The following FOLH1 variants were observed in gnomAD, a reference collection of about 807,000 sequenced individuals.
FOLH1 encodes the protein folate hydrolase 1, also known as glutamate carboxypeptidase 2.
In FOLH1, 54 loss-of-function variants were observed where a neutral mutation model predicts 93.9. That is an observed-to-expected ratio of 0.57 (90% CI 0.46 to 0.72). The LOEUF is 0.72. Ranked by LOEUF, FOLH1 falls within the 30% of genes least tolerant of loss-of-function variation. FOLH1 has a pLI of 0.00. For missense variants in FOLH1, 571 were observed against 892.5 expected, an observed-to-expected ratio of 0.64 and a Z score of 4.59; for synonymous variants, 249 against 303.6, an observed-to-expected ratio of 0.82 and a Z score of 1.87.
chr11:49,156,655 G>T, intron 15 of FOLH1, 62 bp downstream of exon 15: 3 of 1,602,508 alleles, frequency 1.9e-6, no homozygotes, highest in Non-Finnish European at 1.7e-6. Context: ...TTTGGAGTCA[G>T]AATTATTTGT....
At position 49,186,548 on chromosome 11, in the gene FOLH1, AT is replaced by A. The variant is rs1443006833; in HGVS notation, c.639+95del. Reference sequence around the variant, plus strand: ...TCACAGAATACAAGAAAATAATGGTATTCATAAAGTTTTAAGAAAATGATTC... The same window carrying A: ...TCACAGAATACAAGAAAATAATGGTATCATAAAGTTTTAAGAAAATGATTC... On this transcript the variant is annotated intron_variant, in intron 5 of 18. Coordinates refer to ENST00000256999, the MANE Select transcript of FOLH1 (RefSeq NM_004476.3). The A allele has an allele frequency of 2.5e-5, 33 of 1,346,398 alleles. No homozygotes were observed. The Middle Eastern group carries it at 9.7e-4, about 40-fold the overall frequency. The allele number at this position is 1,346,398 out of a possible 1,614,324, so 83.4% of individuals were successfully genotyped here. A position where few individuals can be genotyped will look rare whatever the true frequency, so the allele number is the denominator to read the frequency against.
chr11:49,147,864 C>T (rs1855958458), intron 18 of FOLH1, among the ~76,000 whole-genome samples: 1 of 151,698 alleles, frequency 6.6e-6, no homozygotes, highest in Admixed American at 6.6e-5. Flanking sequence ...AAGTCTGAGG[C>T]TGCAGTGAGC....
At chr11:49,193,068 C>A (rs995808511) in intron 3 of FOLH1, among the ~76,000 whole-genome samples, 174 bp from the exon 4 acceptor site, 3 of 151,966 alleles carry the variant, frequency 2.0e-5, no homozygotes, top group Admixed American at 1.3e-4. Context: ...GAAGAATTCA[C>A]GAGATGAATA....
chr11:49,196,902 T>C (rs1862685453), intron 3 of FOLH1, among the ~76,000 whole-genome samples: 1 of 152,182 alleles, frequency 6.6e-6, no homozygotes, highest in Non-Finnish European at 1.5e-5. Flanking sequence ...GTAATACAAA[T>C]GGGAGGGATT....
chr11:49,164,595 T>C, intron 13 of FOLH1, 110 bp downstream of exon 13: 2 of 710,750 alleles, frequency 2.8e-6, no homozygotes, highest in Non-Finnish European at 4.9e-6. Context: ...ATATATGTTA[T>C]ATGAAATGAA....
intron 15 of FOLH1, among the ~76,000 whole-genome samples, chr11:49,155,903 G>C (rs1339161916): frequency 1.4e-5 from 2 of 145,472 alleles, no homozygotes; most frequent in Non-Finnish European, 3.0e-5. Context: ...GATATGATTT[G>C]ACTCTGTGTC....
intron 3 of FOLH1, among the ~76,000 whole-genome samples, chr11:49,194,382 C>T (rs1565204765): frequency 6.6e-6 from 1 of 151,544 alleles, no homozygotes; most frequent in African/African-American, 2.4e-5. Flanking sequence ...GAGGAATCAG[C>T]CTTCAAATTA....
chr11:49,183,320 A>C (rs1861004115), intron 6 of FOLH1, 78 bp from the exon 7 acceptor site: 1 of 1,062,044 alleles, frequency 9.4e-7, no homozygotes, highest in African/African-American at 1.6e-5. Flanking sequence ...CATTAAATAC[A>C]TTCTAATTTC....
intron 16 of FOLH1, 68 bp downstream of exon 16, chr11:49,154,160 G>A: frequency 6.4e-7 from 1 of 1,572,958 alleles, no homozygotes; most frequent in Non-Finnish European, 8.6e-7. Flanking sequence ...ACCTAAGATA[G>A]CCCATTATAT....
rs181767553 is a variant in FOLH1 at position 49,177,019 on chromosome 11, C to T, written c.921-1062G>A. ...TGCGGTGCAGCATGCTCTGTCATGT[C>T]CTGTTTTCTTCTGTGCCTGTACACG... On this transcript the variant is annotated intron_variant, in intron 7 of 18. Coordinates refer to ENST00000256999, the MANE Select transcript of FOLH1 (RefSeq NM_004476.3). 3.0e-3 allele frequency among the ~76,000 whole-genome samples: 458 copies of T among 152,330 alleles called. 1 individual carries two copies. Among genetic ancestry groups the T allele is most frequent in the Non-Finnish European group, 5.3e-3 (360 of 68,036 alleles).
At chr11:49,152,881 T>C (rs1174401929) in intron 17 of FOLH1, among the ~76,000 whole-genome samples, 3 of 152,266 alleles carry the variant, frequency 2.0e-5, no homozygotes, top group African/African-American at 7.2e-5. Context: ...TATGTTAGCA[T>C]ACAATGTGAA....
intron 14 of FOLH1, among the ~76,000 whole-genome samples, chr11:49,157,612 G>C (rs1857166592): frequency 6.6e-6 from 1 of 151,764 alleles, no homozygotes; most frequent in Non-Finnish European, 1.5e-5. Context: ...CAACCAGTAA[G>C]TATAATGCAA....
At chr11:49,170,489 C>G (rs1859126277) in intron 11 of FOLH1, among the ~76,000 whole-genome samples, 1 of 152,090 alleles carries the variant, frequency 6.6e-6, no homozygotes, top group Middle Eastern at 3.2e-3. Context: ...GTGGCACATG[C>G]CTGTAATCCC....
intron 11 of FOLH1, 40 bp from the exon 12 acceptor site, chr11:49,169,298 C>G: frequency 6.3e-7 from 1 of 1,574,858 alleles, no homozygotes; most frequent in Non-Finnish European, 8.7e-7. Flanking sequence ...AAGTTATAAC[C>G]CACTCCCCCT....
intron 1 of FOLH1, chr11:49,206,425 T>C: frequency 1.4e-6 from 1 of 699,730 alleles, no homozygotes; most frequent in Non-Finnish European, 2.4e-6. Context: ...GCTGTTATTC[T>C]AAGAAATGTT....
intron 13 of FOLH1, among the ~76,000 whole-genome samples, chr11:49,160,037 C>T (rs144563127): frequency 4.6e-5 from 7 of 152,062 alleles, no homozygotes; most frequent in Admixed American, 2.0e-4. Context: ...TTCAGCCTCC[C>T]GAGCAGCTGG....
chr11:49,197,263 A>G (rs1251410488), intron 3 of FOLH1, among the ~76,000 whole-genome samples: 2 of 152,208 alleles, frequency 1.3e-5, no homozygotes, highest in Admixed American at 6.5e-5. Context: ...TGCCACACTG[A>G]ATTTTACAGC....
chr11:49,148,688 C>G lies in FOLH1; in HGVS notation c.2014G>C (p.Glu672Gln). The change falls in exon 18 of 19, where the codon GAA becomes CAA. Residue 672 changes from glutamate (E) to glutamine (Q), a missense_variant. Coordinates refer to ENST00000256999, the MANE Select transcript of FOLH1 (RefSeq NM_004476.3). ...RMMNDQLMFL[E>Q]RAFIDPLGLP... ...CCTAATGGATCAATAAATGCTCTTTCCAGAAACATGAGTTGATCATTCATC... is the reference window on the plus strand; with the variant it reads ...CCTAATGGATCAATAAATGCTCTTTGCAGAAACATGAGTTGATCATTCATC... The G allele has an allele frequency of 6.2e-7, 1 of 1,606,486 alleles. No homozygotes were observed. Among genetic ancestry groups the G allele is most frequent in the Non-Finnish European group, 8.5e-7 (1 of 1,177,138 alleles).
At chr11:49,184,001 T>A (rs1322699103) in intron 6 of FOLH1, among the ~76,000 whole-genome samples, 1 of 152,216 alleles carries the variant, frequency 6.6e-6, no homozygotes, top group Non-Finnish European at 1.5e-5. Flanking sequence ...TTTTATTGCA[T>A]GTAAACTGTA....
Sources: allele counts gnomAD v4.1 joint callset (sites outside exome capture counted in the v4.1 genomes callset), GRCh38; gene constraint gnomAD v4.1.1; transcripts MANE v1.5; gene names NCBI Gene and HGNC (gene_info 2026-07-23, HGNC 2026-07-21).